MAP2K1: variants seen among roughly 807,000 people sequenced by gnomAD.
MAP2K1 encodes the protein mitogen-activated protein kinase kinase 1.
In MAP2K1, 16 loss-of-function variants were observed where a neutral mutation model predicts 46.3. The ratio of observed to expected loss-of-function variants is 0.35; its 90% CI spans 0.23 to 0.52. MAP2K1 has a LOEUF of 0.52. MAP2K1 is among the 20% of genes least tolerant of loss of function. MAP2K1 has a pLI of 0.94. For synonymous variants in MAP2K1, 183 were observed against 185.6 expected (o/e 0.99, Z 0.11); for missense variants, 263 against 497.1 (o/e 0.53, Z 4.48).
chr15:66,411,699 T>C (rs1318838177), intron 1 of MAP2K1, among the ~76,000 whole-genome samples: 1 of 152,264 alleles, frequency 6.6e-6, no homozygotes, highest in East Asian at 1.9e-4. Context: ...GCTTTCAAGA[T>C]TCACAGTGAA....
chr15:66,454,775 C>T (rs552891320), intron 5 of MAP2K1, among the ~76,000 whole-genome samples: 41 of 151,634 alleles, frequency 2.7e-4, no homozygotes, highest in African/African-American at 8.7e-4. Context: ...CCCAGCTGCT[C>T]GGGAGGCTGA....
At chr15:66,480,472 C>G (rs1214822446) in intron 5 of MAP2K1, among the ~76,000 whole-genome samples, 3 of 152,096 alleles carry the variant, frequency 2.0e-5, no homozygotes, top group African/African-American at 7.2e-5. Context: ...CATGGTGACT[C>G]ACGCCTATAG....
intron 1 of MAP2K1, among the ~76,000 whole-genome samples, chr15:66,419,214 A>G (rs2093431770): frequency 6.6e-6 from 1 of 151,600 alleles, no homozygotes; most frequent in African/African-American, 2.4e-5. Flanking sequence ...CTTCTACAGA[A>G]GCCTGATCCT....
chr15:66,425,885 T>C (rs1202348934), intron 1 of MAP2K1, among the ~76,000 whole-genome samples: 1 of 152,228 alleles, frequency 6.6e-6, no homozygotes, highest in Non-Finnish European at 1.5e-5. Context: ...GACAACACTT[T>C]GGCTAACAAT....
intron 1 of MAP2K1, among the ~76,000 whole-genome samples, chr15:66,426,775 C>T (rs1486966298): frequency 6.6e-6 from 1 of 152,218 alleles, no homozygotes; most frequent in Non-Finnish European, 1.5e-5. Context: ...TTGTGCAAGT[C>T]ACTTCTCTGT....
rs923104589 is a variant in MAP2K1, at chr15:66,490,176, G to T, written c.1069-326G>T. ...AAATATCTGGACAGCCATAGACGGT[G>T]TATATAGTATATAATATGCACTAAG... On this transcript the variant is annotated intron_variant, in intron 10 of 10. Coordinates refer to ENST00000307102, the MANE Select transcript of MAP2K1 (RefSeq NM_002755.4). 4.2e-5 allele frequency: 22 copies of T among 519,464 alleles called. No individual in the cohort carries two copies. The Admixed American group carries it at 4.8e-4, about 11-fold the overall frequency. 32.2% of individuals were successfully genotyped at this position (519,464 alleles called of 1,614,324 possible). A position where few individuals can be genotyped will look rare whatever the true frequency, so the allele number is the denominator to read the frequency against.
chr15:66,462,740 C>T (rs770545666), intron 5 of MAP2K1, among the ~76,000 whole-genome samples: 1 of 152,070 alleles, frequency 6.6e-6, no homozygotes, highest in African/African-American at 2.4e-5. Context: ...CACAGAGGAG[C>T]TGGGAGCTGG....
chr15:66,484,983 C>T lies in MAP2K1; in HGVS notation c.694-7C>T, dbSNP rs2140673646. 2.5e-6 allele frequency: 4 copies of T among 1,612,170 alleles called. No individual in the cohort carries two copies. Among genetic ancestry groups the T allele is most frequent in the Non-Finnish European group, 2.5e-6 (3 of 1,179,306 alleles). On this transcript the variant is annotated splice_polypyrimidine_tract_variant and splice_region_variant and intron_variant, in intron 6 of 10. Coordinates refer to ENST00000307102, the MANE Select transcript of MAP2K1 (RefSeq NM_002755.4). ...TAGGTGATTATCACTGTCTGTCTCTCCTGCAGCCAGAAAGACTCCAGGGGA... is the reference window on the plus strand; with the variant it reads ...TAGGTGATTATCACTGTCTGTCTCTTCTGCAGCCAGAAAGACTCCAGGGGA...
intron 1 of MAP2K1, chr15:66,401,789 A>T (rs927899450): frequency 1.9e-6 from 1 of 518,004 alleles, no homozygotes; most frequent in African/African-American, 1.9e-5. Context: ...GTCTTGAAGG[A>T]TGGCTAGGAT....
rs1461381065 is a variant in MAP2K1 at position 66,420,721 on chromosome 15, A to ATATATATATATATG, written c.81-14305_81-14304insATATATATATATGT. ...TTACTCTTGGCATATATATATATATATGTGTGTGTGTGTGTGTGTGTGTGT... is the reference window on the plus strand; with the variant it reads ...TTACTCTTGGCATATATATATATATATATATATATATATGTGTGTGTGTGTGTGTGTGTGTGTGT... On this transcript the variant is annotated intron_variant, in intron 1 of 10. Coordinates refer to ENST00000307102, the MANE Select transcript of MAP2K1 (RefSeq NM_002755.4). Among the ~76,000 whole-genome samples the ATATATATATATATG allele has an allele frequency of 6.1e-4, 18 of 29,684 alleles. 3 individuals carry two copies. The highest frequency in any genetic ancestry group is 2.1e-3 in the African/African-American group (18 of 8,500). The allele number at this position is 29,684 out of a possible 152,430, so 19.5% of individuals were successfully genotyped here.
chr15:66,464,949 A>G (rs62010232), intron 5 of MAP2K1, among the ~76,000 whole-genome samples: 133,806 of 151,738 alleles, frequency 0.88, 59,101 homozygotes, highest in East Asian at 0.93. Context: ...ATAGCCAGGC[A>G]CAGTGGCTCA....
chr15:66,452,682 G>A (rs368875969), intron 5 of MAP2K1, among the ~76,000 whole-genome samples: 2 of 152,242 alleles, frequency 1.3e-5, no homozygotes, highest in Non-Finnish European at 2.9e-5. Flanking sequence ...AGTGGAGTCC[G>A]CCTGCCTACT....
Position 66,485,052 on chromosome 15 carries a change from T to TC in MAP2K1, c.757dup (p.Leu253ProfsTer33), listed in dbSNP as rs1893004556. The TC allele has an allele frequency of 1.2e-6, 2 of 1,613,796 alleles. No individual in the cohort carries two copies. ...CAGACATCTGGAGCATGGGACTGTCTCTGGTAGAGATGGCGGTTGGGAGGT... is the reference window on the plus strand; with the variant it reads ...CAGACATCTGGAGCATGGGACTGTCTCCTGGTAGAGATGGCGGTTGGGAGGT... On this transcript the variant is annotated frameshift_variant, in exon 7 of 11. Coordinates refer to ENST00000307102, the MANE Select transcript of MAP2K1 (RefSeq NM_002755.4). LOFTEE classifies it high-confidence loss of function.
intron 1 of MAP2K1, among the ~76,000 whole-genome samples, chr15:66,403,491 C>T (rs754804468): frequency 4.6e-5 from 7 of 152,056 alleles, no homozygotes; most frequent in African/African-American, 1.2e-4. Flanking sequence ...TCAAAATAAC[C>T]GCAGACGAAA....
intron 1 of MAP2K1, among the ~76,000 whole-genome samples, chr15:66,392,266 T>TTTG (rs1289041050): frequency 1.5e-5 from 2 of 134,178 alleles, no homozygotes; most frequent in East Asian, 4.2e-4. Context: ...TTTTTTTTTT[T>TTTG]TTTTTTTTTT....
At chr15:66,434,645 A>G (rs1387992717) in intron 1 of MAP2K1, among the ~76,000 whole-genome samples, 2 of 152,148 alleles carry the variant, frequency 1.3e-5, no homozygotes, top group Non-Finnish European at 2.9e-5. Flanking sequence ...TATTTTGCGT[A>G]TGGTAAAAAC....
chr15:66,399,786 G>C (rs1196283543), intron 1 of MAP2K1, among the ~76,000 whole-genome samples: 1 of 152,060 alleles, frequency 6.6e-6, no homozygotes, highest in East Asian at 1.9e-4. Flanking sequence ...TAGTAGAGAT[G>C]GGGTTTCACC....
intron 1 of MAP2K1, among the ~76,000 whole-genome samples, chr15:66,433,487 G>A (rs1417987047): frequency 6.6e-6 from 1 of 152,080 alleles, no homozygotes; most frequent in Non-Finnish European, 1.5e-5. Context: ...GCAGCAGGTG[G>A]GGTGGGGGGA....
At chr15:66,488,298 A>G (rs551606359) in intron 8 of MAP2K1, among the ~76,000 whole-genome samples, 2 of 152,346 alleles carry the variant, frequency 1.3e-5, no homozygotes, top group African/African-American at 2.4e-5. Context: ...CACTGTTCTA[A>G]GAGCTGAGTT....
Sources: gnomAD v4.1 joint callset for allele counts (sites outside exome capture counted in the v4.1 genomes callset) on GRCh38, gnomAD v4.1.1 for gene constraint, MANE v1.5 for transcripts, NCBI Gene and HGNC (gene_info 2026-07-23, HGNC 2026-07-21) for gene names.